The following SLC25A12 variants were observed in gnomAD, a reference collection of about 807,000 sequenced individuals.
SLC25A12 encodes the protein electrogenic aspartate/glutamate antiporter SLC25A12, mitochondrial.
In SLC25A12, 32 loss-of-function variants were observed where a neutral mutation model predicts 83.3. The observed-to-expected ratio is 0.38, with a 90% CI of 0.29 to 0.52. SLC25A12 has a LOEUF of 0.52. SLC25A12 is among the 20% of genes least tolerant of loss of function. The pLI is 0.84. For synonymous variants in SLC25A12, 267 were observed against 291.1 expected (o/e 0.92, Z 0.84); for missense variants, 611 against 835.6 (o/e 0.73, Z 3.31).
intron 1 of SLC25A12, among the ~76,000 whole-genome samples, chr2:171,893,509 G>A (rs1685988878): frequency 6.6e-6 from 1 of 152,166 alleles, no homozygotes; most frequent in Non-Finnish European, 1.5e-5. Flanking sequence ...GACTGGAAAG[G>A]GAAGGCAATG....
At chr2:171,821,149 C>A (rs1314097933) in intron 9 of SLC25A12, among the ~76,000 whole-genome samples, 1 of 149,820 alleles carries the variant, frequency 6.7e-6, no homozygotes, top group Non-Finnish European at 1.5e-5. Context: ...CGTGCCTCAG[C>A]CTCCCGAGCA....
chr2:171,837,407 C>G, intron 5 of SLC25A12, 140 bp from the exon 6 acceptor site: 1 of 888,358 alleles, frequency 1.1e-6, no homozygotes. Flanking sequence ...GAATTTGCAA[C>G]AAAACTTTTA....
In SLC25A12 at chr2:171,836,726, G is replaced by A. The variant is rs1057075747; in HGVS notation, c.612+395C>T. On this transcript the variant is annotated intron_variant, in intron 6 of 17. Coordinates refer to ENST00000422440, the MANE Select transcript of SLC25A12 (RefSeq NM_003705.5). ...TGGTGTGGAAAGAGGCCAAGATGAA[G>A]GCAGTAGTGTCTGGGAGAGTTACTG... Among the ~76,000 whole-genome samples the A allele has an allele frequency of 1.4e-4, 21 of 152,146 alleles. 1 individual carries two copies. The highest frequency in any genetic ancestry group is 1.2e-3 in the Admixed American group (19 of 15,264).
intron 2 of SLC25A12, among the ~76,000 whole-genome samples, chr2:171,869,488 T>C (rs1388927125): frequency 6.6e-6 from 1 of 152,164 alleles, no homozygotes. Context: ...TGCCAAACCT[T>C]AGAAGTGAAA....
intron 8 of SLC25A12, among the ~76,000 whole-genome samples, chr2:171,832,482 T>C (rs1463787693): frequency 6.6e-6 from 1 of 152,204 alleles, no homozygotes; most frequent in African/African-American, 2.4e-5. Flanking sequence ...GTGGAACTAG[T>C]TGTACTTATG....
chr2:171,870,788 G>C (rs1014912467), intron 2 of SLC25A12, among the ~76,000 whole-genome samples: 2 of 152,230 alleles, frequency 1.3e-5, no homozygotes, highest in African/African-American at 4.8e-5. Flanking sequence ...ACAAGTGGTT[G>C]CTTCTAGGAA....
chr2:171,891,683 T>C (rs1360860470), intron 2 of SLC25A12, among the ~76,000 whole-genome samples: 2 of 152,236 alleles, frequency 1.3e-5, no homozygotes, highest in African/African-American at 2.4e-5. Flanking sequence ...AAATTAACTA[T>C]ATCACATGAA....
intron 8 of SLC25A12, among the ~76,000 whole-genome samples, chr2:171,830,979 A>AG (rs1210144111): frequency 2.6e-5 from 4 of 152,234 alleles, no homozygotes; most frequent in Middle Eastern, 3.2e-3. Flanking sequence ...GTAAGCTCTG[A>AG]GGGGGCAGGA....
At chr2:171,844,783 T>G (rs1684757534) in intron 4 of SLC25A12, among the ~76,000 whole-genome samples, 1 of 152,220 alleles carries the variant, frequency 6.6e-6, no homozygotes, top group Non-Finnish European at 1.5e-5. Flanking sequence ...GAAAGTGATT[T>G]CTATCTTACA....
At position 171,784,167 on chromosome 2, in the gene SLC25A12, C is replaced by G. The variant is rs890524582; in HGVS notation, c.*1107G>C. On this transcript the variant is annotated 3_prime_UTR_variant, in exon 18 of 18. Coordinates refer to ENST00000422440, the MANE Select transcript of SLC25A12 (RefSeq NM_003705.5). ...GGATTCCAAAGTAAGAACCTAGACC[C>G]CACTAAATCACCATATAGAGCTTTT... Among the ~76,000 whole-genome samples the G allele has an allele frequency of 6.6e-6, 1 of 152,114 alleles. No homozygotes were observed. The highest frequency in any genetic ancestry group is 1.5e-5 in the Non-Finnish European group (1 of 68,008).
chr2:171,829,437 G>A (rs556750777), intron 8 of SLC25A12, among the ~76,000 whole-genome samples: 1 of 151,956 alleles, frequency 6.6e-6, no homozygotes, highest in Non-Finnish European at 1.5e-5. Context: ...TGTCTCTCAG[G>A]GGCAATGGCA....
At chr2:171,860,396 T>G (rs1448650935) in intron 3 of SLC25A12, among the ~76,000 whole-genome samples, 1 of 151,788 alleles carries the variant, frequency 6.6e-6, no homozygotes, top group Admixed American at 6.6e-5. Flanking sequence ...GTCAGGAGTT[T>G]GAGACCAGCC....
chr2:171,867,975 G>A (rs2105917001), intron 3 of SLC25A12, among the ~76,000 whole-genome samples: 1 of 152,134 alleles, frequency 6.6e-6, no homozygotes, highest in East Asian at 1.9e-4. Context: ...CTCCCAAGTA[G>A]CTGGGACTAC....
chr2:171,845,127 C>A (rs1684765572), intron 4 of SLC25A12, among the ~76,000 whole-genome samples: 7 of 152,056 alleles, frequency 4.6e-5, no homozygotes. Flanking sequence ...TTAGTCTGAA[C>A]TATTAAAATA....
chr2:171,863,529 CAAAA>C (rs56272846), intron 3 of SLC25A12, among the ~76,000 whole-genome samples: 2 of 128,382 alleles, frequency 1.6e-5, no homozygotes, highest in Non-Finnish European at 3.3e-5. Flanking sequence ...CCGTCTCCGA[CAAAA>C]AAAAAAAAAA....
At chr2:171,875,910 CAAA>C (rs34276775) in intron 2 of SLC25A12, among the ~76,000 whole-genome samples, 2,381 of 98,930 alleles carry the variant, frequency 0.024, 39 homozygotes, top group Admixed American at 0.093. Flanking sequence ...GACTCTGTCT[CAAA>C]AAAAAAAAAA....
chr2:171,883,506 T>C (rs1252651979), intron 2 of SLC25A12, among the ~76,000 whole-genome samples: 1 of 152,170 alleles, frequency 6.6e-6, no homozygotes, highest in Admixed American at 6.5e-5. Flanking sequence ...CAGGAGGACA[T>C]TAAATTGAAA....
intron 5 of SLC25A12, 146 bp from the exon 6 acceptor site, chr2:171,837,413 TTTTAA>T: frequency 1.2e-6 from 1 of 821,396 alleles, no homozygotes; most frequent in Non-Finnish European, 2.0e-6. Context: ...GCAACAAAAC[TTTTAA>T]TTTCTTTCAA....
rs1574668561 is a variant in SLC25A12, at chr2:171,785,257, A to C, written c.*17T>G. ...TTTCTTCAAGGCGCCATTTTGCCAC[A>C]CTCAACAGTTGTCTCATCACTGAGT... On this transcript the variant is annotated 3_prime_UTR_variant, in exon 18 of 18. Transcript: ENST00000422440. 1 of 1,613,584 alleles carries C rather than the reference A, an allele frequency of 6.2e-7. No homozygotes were observed. Among genetic ancestry groups the C allele is most frequent in the South Asian group, 1.1e-5 (1 of 90,898 alleles).
Sources: allele counts gnomAD v4.1 joint callset (sites outside exome capture counted in the v4.1 genomes callset), GRCh38; gene constraint gnomAD v4.1.1; transcripts MANE v1.5; gene names NCBI Gene and HGNC (gene_info 2026-07-23, HGNC 2026-07-21).